CDH12: variants seen among roughly 807,000 people sequenced by gnomAD.
CDH12 encodes the protein cadherin-12.
Under a neutral mutation model 74.1 loss-of-function variants are expected in CDH12, and 41 were observed. The ratio of observed to expected loss-of-function variants is 0.55; its 90% CI spans 0.43 to 0.72. The LOEUF (loss-of-function observed/expected upper bound fraction) is 0.72, where lower values mean the gene tolerates loss of function less well. Ranked by LOEUF, CDH12 falls within the 30% of genes least tolerant of loss-of-function variation. CDH12 has a pLI of 0.00. For missense variants in CDH12, 945 were observed against 977.2 expected, an observed-to-expected ratio of 0.97 and a Z score of 0.44; for synonymous variants, 399 against 355.0, an observed-to-expected ratio of 1.12 and a Z score of -1.39.
Position 22,736,468 on chromosome 5 carries a change from A to AGATT in CDH12, c.-523+116589_-523+116590insAATC, listed in dbSNP as rs565455052. Among the ~76,000 whole-genome samples, 84 of 151,964 alleles carry AGATT rather than the reference A, an allele frequency of 5.5e-4. No homozygotes were observed. The South Asian group carries it at 0.017, about 31-fold the overall frequency. On this transcript the variant is annotated intron_variant, in intron 1 of 14. Coordinates refer to ENST00000382254, the MANE Select transcript of CDH12 (RefSeq NM_004061.5). ...GCTTTTTTTAAGATTCAAATTTTTA[A>AGATT]CAAAAATATATGCTGTTAATAGCAT...
chr5:22,123,310 G>A (rs1269599042), intron 4 of CDH12, among the ~76,000 whole-genome samples: 1 of 152,126 alleles, frequency 6.6e-6, no homozygotes, highest in African/African-American at 2.4e-5. Context: ...CTTGATCTTG[G>A]CCTTCCCAGC....
At chr5:21,974,132 C>T (rs1342286888) in intron 6 of CDH12, among the ~76,000 whole-genome samples, 1 of 152,158 alleles carries the variant, frequency 6.6e-6, no homozygotes, top group African/African-American at 2.4e-5. Flanking sequence ...GCACAATCTT[C>T]ATCACAAGTC....
At chr5:22,807,565 A>G (rs1748880988) in intron 1 of CDH12, among the ~76,000 whole-genome samples, 1 of 152,196 alleles carries the variant, frequency 6.6e-6, no homozygotes, top group Non-Finnish European at 1.5e-5. Context: ...TCATCATGGA[A>G]ATATCATAGA....
chr5:21,889,125 G>C (rs1014521424), intron 6 of CDH12, among the ~76,000 whole-genome samples: 3 of 152,018 alleles, frequency 2.0e-5, no homozygotes, highest in Non-Finnish European at 4.4e-5. Flanking sequence ...TCAACATGCT[G>C]CATGATAAGT....
chr5:22,840,282 G>A (rs546145311), intron 1 of CDH12, among the ~76,000 whole-genome samples: 88 of 151,968 alleles, frequency 5.8e-4, no homozygotes, highest in Non-Finnish European at 1.2e-3. Context: ...CACCATACCC[G>A]GCTAATTTTT....
At chr5:22,736,100 C>T (rs2127010360) in intron 1 of CDH12, among the ~76,000 whole-genome samples, 1 of 151,864 alleles carries the variant, frequency 6.6e-6, no homozygotes, top group African/African-American at 2.4e-5. Context: ...TACCTAAAAA[C>T]TAGAATAAAG....
chr5:22,323,138 C>T (rs1020655101), intron 3 of CDH12, among the ~76,000 whole-genome samples: 2 of 152,076 alleles, frequency 1.3e-5, no homozygotes, highest in Non-Finnish European at 2.9e-5. Flanking sequence ...ATGTATACCA[C>T]ATCAGAAAGC....
intron 1 of CDH12, among the ~76,000 whole-genome samples, chr5:22,681,066 T>G (rs1338361085): frequency 6.6e-6 from 1 of 152,012 alleles, no homozygotes; most frequent in African/African-American, 2.4e-5. Flanking sequence ...ATCTAAGAAG[T>G]CTACTAATTT....
intron 1 of CDH12, among the ~76,000 whole-genome samples, chr5:22,843,808 T>A (rs1376144517): frequency 6.6e-6 from 1 of 152,016 alleles, no homozygotes; most frequent in African/African-American, 2.4e-5. Context: ...AAAACAGACA[T>A]CTAAAGAAAG....
At chr5:21,810,268 G>A (rs756879971) in intron 9 of CDH12, among the ~76,000 whole-genome samples, 7 of 152,058 alleles carry the variant, frequency 4.6e-5, no homozygotes, top group Non-Finnish European at 8.8e-5. Flanking sequence ...TGAATAAAAA[G>A]ATTAGTTGGA....
intron 1 of CDH12, among the ~76,000 whole-genome samples, chr5:22,723,057 C>T (rs142504841): frequency 1.4e-3 from 206 of 152,276 alleles, no homozygotes; most frequent in African/African-American, 4.4e-3. Flanking sequence ...AATATGTCTA[C>T]ACAGGAAATC....
intron 3 of CDH12, among the ~76,000 whole-genome samples, chr5:22,236,104 T>C (rs192387895): frequency 4.6e-5 from 7 of 152,338 alleles, no homozygotes; most frequent in Non-Finnish European, 5.9e-5. Context: ...TGACTGGGGC[T>C]TGTAGAACTG....
intron 4 of CDH12, among the ~76,000 whole-genome samples, chr5:22,200,265 G>T (rs1025211327): frequency 1.4e-4 from 22 of 152,100 alleles, no homozygotes; most frequent in Non-Finnish European, 2.6e-4. Context: ...AATTTCAGTT[G>T]TTTGTTCTAC....
chr5:22,315,119 C>CCT (rs565487368), intron 3 of CDH12, among the ~76,000 whole-genome samples: 1 of 22,996 alleles, frequency 4.3e-5, no homozygotes, highest in East Asian at 1.7e-3. Flanking sequence ...GCCTGCCTGG[C>CCT]TTTTTTTTTT....
chr5:22,772,292 G>A (rs565238969), intron 1 of CDH12, among the ~76,000 whole-genome samples: 1 of 152,106 alleles, frequency 6.6e-6, no homozygotes, highest in Non-Finnish European at 1.5e-5. Flanking sequence ...GTGTACTCGA[G>A]GAACAGCAAG....
chr5:22,379,612 T>C (rs935000472), intron 3 of CDH12, among the ~76,000 whole-genome samples: 2 of 152,240 alleles, frequency 1.3e-5, no homozygotes, highest in Non-Finnish European at 2.9e-5. Flanking sequence ...GCAATTCTAA[T>C]TCTTCTGGTC....
chr5:21,916,509 CATT>C (rs1561296791), intron 6 of CDH12, among the ~76,000 whole-genome samples: 2 of 150,088 alleles, frequency 1.3e-5, no homozygotes. Flanking sequence ...TCATTTTTTC[CATT>C]TTTTTTTTTC....
At chr5:22,173,832 G>A (rs529418794) in intron 4 of CDH12, among the ~76,000 whole-genome samples, 65 of 151,814 alleles carry the variant, frequency 4.3e-4, no homozygotes, top group Admixed American at 1.7e-3. Flanking sequence ...GATAAAGTAC[G>A]CTTAAAGAAA....
At chr5:21,780,456 C>G (rs6872136) in intron 11 of CDH12, among the ~76,000 whole-genome samples, 2,499 of 152,220 alleles carry the variant, frequency 0.016, 61 homozygotes, top group African/African-American at 0.055. Flanking sequence ...AGAAAGAGAC[C>G]TGCCACAGCT....
Sources: gnomAD v4.1 joint callset for allele counts (sites outside exome capture counted in the v4.1 genomes callset) on GRCh38, gnomAD v4.1.1 for gene constraint, MANE v1.5 for transcripts, NCBI Gene and HGNC (gene_info 2026-07-23, HGNC 2026-07-21) for gene names.